The following DNAH14 variants were observed in gnomAD, a reference collection of about 807,000 sequenced individuals.
DNAH14 encodes axonemal beta dynein heavy chain 14.
In DNAH14, 478 loss-of-function variants were observed where a neutral mutation model predicts 520.9. That is an observed-to-expected ratio of 0.92 (90% CI 0.85 to 0.99). DNAH14 has a LOEUF of 0.99. Among genes scored for constraint, DNAH14 ranks in the 50% least tolerant of loss-of-function variants. DNAH14 has a pLI of 0.00. For synonymous variants in DNAH14, 1,581 were observed against 1,757.2 expected, an observed-to-expected ratio of 0.90 and a Z score of 2.51; for missense variants, 4,831 against 5,234.5, an observed-to-expected ratio of 0.92 and a Z score of 2.38.
At chr1:225,102,526 A>G (rs7544960) in intron 23 of DNAH14, among the ~76,000 whole-genome samples, 12,218 of 152,106 alleles carry the variant, frequency 0.08, 1,557 homozygotes, top group African/African-American at 0.27. Flanking sequence ...AAGTGTTCCT[A>G]TTTCTCCACA....
At chr1:225,293,821 T>G (rs2093946583) in intron 55 of DNAH14, among the ~76,000 whole-genome samples, 2 of 142,626 alleles carry the variant, frequency 1.4e-5, no homozygotes, top group East Asian at 1.9e-4. Flanking sequence ...AAAATAAAAG[T>G]TTTTTTTTTA....
At chr1:225,094,656 CAAAA>C (rs760828776) in intron 21 of DNAH14, among the ~76,000 whole-genome samples, 18 of 77,862 alleles carry the variant, frequency 2.3e-4, no homozygotes, top group Non-Finnish European at 5.1e-4. Flanking sequence ...TTCTGCACAG[CAAAA>C]AAAAAAAAAA....
At chr1:225,124,413 T>C (rs1352838944) in intron 27 of DNAH14, among the ~76,000 whole-genome samples, 1 of 152,264 alleles carries the variant, frequency 6.6e-6, no homozygotes, top group Non-Finnish European at 1.5e-5. Context: ...ACTCTGCCGC[T>C]GCTTTATCAA....
intron 41 of DNAH14, among the ~76,000 whole-genome samples, chr1:225,211,873 AATTTATTTATTTATTTATTTATTT>A (rs201563428): frequency 6.8e-6 from 1 of 147,180 alleles, no homozygotes; most frequent in Non-Finnish European, 1.5e-5. Flanking sequence ...TTCAACCCAG[AATTTATTTATTTATTTATTTATTT>A]ATTTATTTAT....
intron 42 of DNAH14, among the ~76,000 whole-genome samples, chr1:225,233,265 C>T (rs1036503685): frequency 6.6e-6 from 1 of 152,130 alleles, no homozygotes; most frequent in African/African-American, 2.4e-5. Flanking sequence ...CTGCAGTGAA[C>T]ATATGTGTGC....
intron 61 of DNAH14, among the ~76,000 whole-genome samples, chr1:225,320,292 A>G (rs1157812879): frequency 6.6e-6 from 1 of 152,150 alleles, no homozygotes; most frequent in Non-Finnish European, 1.5e-5. Flanking sequence ...TACAGGTAAA[A>G]TGCTTGTAAC....
intron 36 of DNAH14, among the ~76,000 whole-genome samples, chr1:225,176,554 AT>A (rs1324326168): frequency 6.7e-6 from 1 of 148,420 alleles, no homozygotes; most frequent in Non-Finnish European, 1.5e-5. Flanking sequence ...TCCTACTATT[AT>A]TGTATGATAT....
intron 10 of DNAH14, among the ~76,000 whole-genome samples, chr1:225,017,898 A>C (rs1046228445): frequency 8.5e-5 from 13 of 152,238 alleles, no homozygotes; most frequent in Non-Finnish European, 1.3e-4. Context: ...AATAAAGAAC[A>C]TAAAAACAAA....
intron 41 of DNAH14, among the ~76,000 whole-genome samples, chr1:225,218,753 G>A (rs537464366): frequency 6.6e-6 from 1 of 152,224 alleles, no homozygotes; most frequent in African/African-American, 2.4e-5. Context: ...AGATCAACAA[G>A]ACAGAAAATT....
At chr1:225,307,658 C>T (rs2094275294) in intron 59 of DNAH14, 89 bp downstream of exon 59, 1 of 1,008,372 alleles carries the variant, frequency 9.9e-7, no homozygotes. Context: ...CTGACAAAGA[C>T]AGGCTAGAAT....
In DNAH14 at chr1:225,374,721, G is replaced by T. The variant is rs1444315988; in HGVS notation, c.12352G>T (p.Gly4118Ter). Residue 4118 changes from glycine to a stop codon, truncating the protein, a stop_gained, in exon 78 of 86, where the codon GGA becomes TGA. Transcript: ENST00000682510. LOFTEE classifies it high-confidence loss of function. ...TAAGGTGTTGGAAAATTCCCTGAGA[G>T]GACAGCCCAGCATTTCGTGGCAAGC... ...AIKVLENSLRGQPSISWQALR... is the reference protein window; with the variant it reads ...AIKVLENSLR 2 of 1,550,188 alleles carry T rather than the reference G, an allele frequency of 1.3e-6. No individual in the cohort carries two copies. Among genetic ancestry groups the T allele is most frequent in the East Asian group, 4.9e-5 (2 of 40,906 alleles).
intron 11 of DNAH14, among the ~76,000 whole-genome samples, chr1:225,028,267 T>C (rs2066278226): frequency 6.6e-6 from 1 of 152,062 alleles, no homozygotes; most frequent in Non-Finnish European, 1.5e-5. Context: ...CTTTTGTGTG[T>C]GTGTGGGATG....
At chr1:225,251,320 C>T (rs1220667679) in intron 43 of DNAH14, among the ~76,000 whole-genome samples, 4 of 152,006 alleles carry the variant, frequency 2.6e-5, no homozygotes, top group Non-Finnish European at 5.9e-5. Context: ...ATTACAGGCA[C>T]CTGTCACCAC....
At chr1:224,954,398 TTTGTAAAACTGTGATCTACCATA>T (rs1263908837) in intron 2 of DNAH14, 3 of 152,234 alleles carry the variant, frequency 2.0e-5, no homozygotes, top group Non-Finnish European at 4.4e-5. Context: ...TTTTCTCTGC[TTTGTAAAACTGTGATCTACCATA>T]TAAGTCTATT....
At chr1:225,306,463 CTG>C (rs1187692769) in intron 58 of DNAH14, among the ~76,000 whole-genome samples, 1 of 152,090 alleles carries the variant, frequency 6.6e-6, no homozygotes, top group Non-Finnish European at 1.5e-5. Context: ...TGTCAACAGT[CTG>C]AGAAAATTGG....
intron 77 of DNAH14, among the ~76,000 whole-genome samples, chr1:225,374,347 C>T (rs1258823820): frequency 4.7e-5 from 7 of 148,422 alleles, no homozygotes; most frequent in African/African-American, 7.4e-5. Flanking sequence ...CTGTGATCCC[C>T]GCACCCTGGG....
intron 38 of DNAH14, among the ~76,000 whole-genome samples, chr1:225,196,240 G>C (rs1174614893): frequency 6.6e-6 from 1 of 151,890 alleles, no homozygotes; most frequent in African/African-American, 2.4e-5. Flanking sequence ...TCATAGCTTA[G>C]CTCCCCCTTA....
chr1:225,123,896 G>C (rs1452841603), intron 27 of DNAH14, among the ~76,000 whole-genome samples: 1 of 152,086 alleles, frequency 6.6e-6, no homozygotes, highest in Non-Finnish European at 1.5e-5. Context: ...GGGTCTACAG[G>C]TGTGCACCAC....
chr1:225,079,550 T>A lies in DNAH14; in HGVS notation c.2766+2T>A. 1 of 1,504,472 alleles carries A rather than the reference T, an allele frequency of 6.6e-7. No individual in the cohort carries two copies. Among genetic ancestry groups the A allele is most frequent in the Non-Finnish European group, 8.8e-7 (1 of 1,134,474 alleles). The allele number at this position is 1,504,472 out of a possible 1,614,324, so 93.2% of individuals were successfully genotyped here. ...GATGTTGGCAATTTAAAAGCCAAGG[T>A]AAGTTTTTAGGGTTTTTTTGGATTT... On this transcript the variant is annotated splice_donor_variant, in intron 18 of 85. Transcript: ENST00000682510. LOFTEE classifies it high-confidence loss of function.
Sources: allele counts gnomAD v4.1 joint callset (sites outside exome capture counted in the v4.1 genomes callset), GRCh38; gene constraint gnomAD v4.1.1; transcripts MANE v1.5; gene names NCBI Gene and HGNC (gene_info 2026-07-23, HGNC 2026-07-21).